Variants in CELSR1 observed in about 807,000 individuals in gnomAD.
CELSR1 encodes adhesion G protein-coupled receptor C1.
In CELSR1, 110 loss-of-function variants were observed where a neutral mutation model predicts 249.1. The ratio of observed to expected loss-of-function variants is 0.44; its 90% confidence interval spans 0.38 to 0.52. The LOEUF (loss-of-function observed/expected upper bound fraction) is 0.52. Among genes scored for constraint, CELSR1 ranks in the 20% least tolerant of loss-of-function variants. CELSR1 has a pLI of 0.00. For missense variants in CELSR1, 4,109 were observed against 4,296.4 expected (o/e 0.96, Z 1.22); for synonymous variants, 2,113 against 1,900.0 (o/e 1.11, Z -2.92).
At position 46,364,031 on chromosome 22, in the gene CELSR1, G is replaced by A; in HGVS notation, c.9000C>T (p.Arg3000=). The change falls in exon 34 of 35, where the codon CGC becomes CGT. Residue 3000 remains arginine (R), a synonymous_variant. Coordinates refer to ENST00000674500, the MANE Select transcript of CELSR1 (RefSeq NM_001378328.1). ...DHLNGVAMNV[R]TGSAQADGSD... ...AGCCATCGGCCTGGGCGCTCCCAGT[G>A]CGCACATTCATGGCCACCCCGTTGA... 1 of 1,611,124 alleles carries A rather than the reference G, an allele frequency of 6.2e-7. No individual in the cohort carries two copies. The highest frequency in any genetic ancestry group is 8.5e-7 in the Non-Finnish European group (1 of 1,179,204).
chr22:46,377,535 T>G (rs2078932486), intron 23 of CELSR1: 2 of 492,080 alleles, frequency 4.1e-6, no homozygotes, highest in Non-Finnish European at 7.4e-6. Context: ...GACCTCTGGC[T>G]TTGGGGCGCC....
chr22:46,363,360 G>T lies in CELSR1; in HGVS notation c.9036-113C>A. 7.1e-6 allele frequency: 6 copies of T among 847,066 alleles called. No individual in the cohort carries two copies. The South Asian group carries it at 9.7e-5, about 14-fold the overall frequency. The allele number at this position is 847,066 out of a possible 1,614,324, so 52.5% of individuals were successfully genotyped here. On this transcript the variant is annotated intron_variant, in intron 34 of 34. Coordinates refer to ENST00000674500, the MANE Select transcript of CELSR1 (RefSeq NM_001378328.1). This position sits in a 1 kb window ranked among gnomAD's most constrained non-coding sequence, Gnocchi z 4.3. ...GGATCACCCCATCAGGGTAGAGGGG[G>T]CGTCTGGGGGCTCCAGGGAGGGCAA...
rs772956868 is a variant in CELSR1, at chr22:46,381,948, T to C, written c.6986A>G (p.His2329Arg). The C allele has an allele frequency of 3.2e-6, 5 of 1,564,824 alleles. No individual in the cohort carries two copies. Among genetic ancestry groups the C allele is most frequent in the Non-Finnish European group, 4.3e-6 (5 of 1,156,944 alleles). Residue 2329 changes from histidine to arginine, a missense_variant, in exon 21 of 35, where the codon CAC (histidine) becomes CGC (arginine). Around this residue, in one of 7 missense-constraint regions of CELSR1, gnomAD observed 1,805 missense variants for 1,831.6 expected, o/e 0.99. Transcript: ENST00000674500. The surrounding 1 kb of genome is among the most constrained non-coding windows in gnomAD (Gnocchi z 6.0). ...GGCGAACTGGCCAGCGTCATCAGGG[T>C]GTCGCCTCCGCCTGCTGATCGGGGC... is the stretch of plus-strand genomic sequence containing the variant. Reference protein sequence around the residue: ...REAPISRRRRHPDDAGQFAVA... With the variant: ...REAPISRRRRRPDDAGQFAVA...
intron 17 of CELSR1, among the ~76,000 whole-genome samples, chr22:46,389,928 G>C (rs1215391973): frequency 1.3e-5 from 2 of 152,094 alleles, no homozygotes; most frequent in African/African-American, 4.8e-5. Flanking sequence ...CTCTAGCTTA[G>C]GAGATAGAGT....
chr22:46,491,218 C>T (rs1675712170), intron 1 of CELSR1, among the ~76,000 whole-genome samples: 1 of 151,966 alleles, frequency 6.6e-6, no homozygotes, highest in African/African-American at 2.4e-5. Context: ...AAAAGCAGCC[C>T]CATCTGAGTG....
chr22:46,372,889 C>T lies in CELSR1; in HGVS notation c.7753G>A (p.Val2585Ile). ...CCACTCTGTGCATCCTCACCTGTGA[C>T]AATGGCCGGGATGCCCCAGCCCACG... The part of the protein sequence containing the change: ...YVVGWGIPAI[V>I]TGLAVGLDPQ... Residue 2585 changes from valine to isoleucine, a missense_variant, in exon 25 of 35, where the codon GTC (valine) becomes ATC (isoleucine). By Grantham distance (29) the Val-to-Ile change is conservative. Around this residue, in one of 7 missense-constraint regions of CELSR1, gnomAD observed 1,805 missense variants for 1,831.6 expected, o/e 0.99. Transcript: ENST00000674500. 4 of 1,605,150 alleles carry T rather than the reference C, an allele frequency of 2.5e-6. No homozygotes were observed. Among genetic ancestry groups the T allele is most frequent in the Non-Finnish European group, 8.5e-7 (1 of 1,174,632 alleles).
intron 25 of CELSR1, among the ~76,000 whole-genome samples, chr22:46,372,287 A>C (rs1346671418): frequency 1.2e-4 from 12 of 100,156 alleles, no homozygotes; most frequent in Admixed American, 1.0e-3. Flanking sequence ...ACCCCCATCC[A>C]TCCATCCACT....
At chr22:46,387,765 G>A (rs1365808036) in intron 18 of CELSR1, among the ~76,000 whole-genome samples, 1 of 152,162 alleles carries the variant, frequency 6.6e-6, no homozygotes, top group Admixed American at 6.5e-5. Context: ...CTGGCAGAGT[G>A]AGCCCTGCCA....
chr22:46,465,955 G>A (rs554069688), intron 1 of CELSR1, among the ~76,000 whole-genome samples: 38 of 152,336 alleles, frequency 2.5e-4, no homozygotes, highest in African/African-American at 3.1e-4. Flanking sequence ...TCAGGACAGC[G>A]TGGCAAGTCA....
At chr22:46,525,449 C>CAAAA (rs10585540) in intron 1 of CELSR1, among the ~76,000 whole-genome samples, 3,513 of 146,332 alleles carry the variant, frequency 0.024, 134 homozygotes, top group African/African-American at 0.083. Flanking sequence ...AACTCTGTCT[C>CAAAA]AAAAAAAAAA....
At chr22:46,414,954 A>C (rs1045857462) in intron 5 of CELSR1, among the ~76,000 whole-genome samples, 1 of 152,154 alleles carries the variant, frequency 6.6e-6, no homozygotes, top group Admixed American at 6.5e-5. Context: ...AAAGGCACGA[A>C]GCGCTGACAC....
chr22:46,521,242 G>A (rs1199304006), intron 1 of CELSR1, among the ~76,000 whole-genome samples: 3 of 152,060 alleles, frequency 2.0e-5, no homozygotes, highest in Non-Finnish European at 4.4e-5. Flanking sequence ...GGTGGCTCAC[G>A]CCTGTAATCT....
chr22:46,368,836 C>T (rs1394386402), intron 27 of CELSR1, among the ~76,000 whole-genome samples: 2 of 152,096 alleles, frequency 1.3e-5, no homozygotes, highest in Non-Finnish European at 2.9e-5. Context: ...CCTCACCACC[C>T]ACCAGAAAGT....
intron 20 of CELSR1, among the ~76,000 whole-genome samples, chr22:46,382,859 A>G (rs2078993896): frequency 6.6e-6 from 1 of 152,142 alleles, no homozygotes; most frequent in Non-Finnish European, 1.5e-5. Flanking sequence ...AAATTCAAAG[A>G]CAGAAAGAAC....
chr22:46,372,962 C>T lies in CELSR1; in HGVS notation c.7680G>A (p.Leu2560=). Reference sequence around the variant, plus strand: ...CCGTGTCGATGTTGCGCACCTCGGTCAGCATGCGGTAGACATGCAGGCTCT... The same window carrying T: ...CCGTGTCGATGTTGCGCACCTCGGTTAGCATGCGGTAGACATGCAGGCTCT... ...LVESLHVYRM[L]TEVRNIDTGP... Residue 2560 remains leucine, a synonymous_variant, in exon 25 of 35, where the codon CTG becomes CTA. Coordinates refer to ENST00000674500, the MANE Select transcript of CELSR1 (RefSeq NM_001378328.1). 1 of 1,613,418 alleles carries T rather than the reference C, an allele frequency of 6.2e-7. No homozygotes were observed. The highest frequency in any genetic ancestry group is 8.5e-7 in the Non-Finnish European group (1 of 1,179,910).
In CELSR1 at chr22:46,441,277, G is replaced by A. The variant is rs528742314; in HGVS notation, c.4184-1866C>T. ...AGCATCTTCCTGGAGCCCAGACCTC[G>A]CTGGAGTCCCCAGAGTGGGATGGCT... On this transcript the variant is annotated intron_variant, in intron 2 of 34. Coordinates refer to ENST00000674500, the MANE Select transcript of CELSR1 (RefSeq NM_001378328.1). This position sits in a 1 kb window ranked among gnomAD's most constrained non-coding sequence, Gnocchi z 6.1. 5.3e-5 allele frequency among the ~76,000 whole-genome samples: 8 copies of A among 152,122 alleles called. No individual in the cohort carries two copies. The highest frequency in any genetic ancestry group is 2.0e-4 in the Admixed American group (3 of 15,284).
Position 46,428,527 on chromosome 22 carries a change from A to G in CELSR1, c.4611+4866T>C, listed in dbSNP as rs1344180823. 6.6e-6 allele frequency among the ~76,000 whole-genome samples: 1 copy of G among 152,162 alleles called. No homozygotes were observed. The highest frequency in any genetic ancestry group is 1.5e-5 in the Non-Finnish European group (1 of 68,036). ...CCGTCTCACTAGCCCAGTGGTTCTC[A>G]TCCAGGGCATGACCTCAGGGGCCTG... On this transcript the variant is annotated intron_variant, in intron 5 of 34. Transcript: ENST00000674500. This position sits in a 1 kb window ranked among gnomAD's most constrained non-coding sequence, Gnocchi z 5.7.
At chr22:46,379,922 A>G (rs1022382128) in intron 22 of CELSR1, among the ~76,000 whole-genome samples, 4 of 152,044 alleles carry the variant, frequency 2.6e-5, no homozygotes, top group African/African-American at 9.7e-5. Flanking sequence ...GGCCCTTCCC[A>G]CCACACCCCC....
At chr22:46,414,701 G>C (rs567117045) in intron 5 of CELSR1, among the ~76,000 whole-genome samples, 3 of 152,230 alleles carry the variant, frequency 2.0e-5, no homozygotes, top group Non-Finnish European at 4.4e-5. Flanking sequence ...ACGGTGCTGT[G>C]GGTGACCTGA....
Sources: gnomAD v4.1 joint callset for allele counts (sites outside exome capture counted in the v4.1 genomes callset) on GRCh38, gnomAD v4.1.1 for gene constraint, gnomAD v4.1.1 regional missense constraint, Gnocchi (gnomAD v3.1) non-coding constraint, MANE v1.5 for transcripts, NCBI Gene and HGNC (gene_info 2026-07-23, HGNC 2026-07-21) for gene names.